The following ACVR2A variants were observed in gnomAD, a reference collection of about 807,000 sequenced individuals.
ACVR2A encodes the protein activin receptor type-2A.
In ACVR2A, 7 loss-of-function variants were observed where a neutral mutation model predicts 61.4. That is an observed-to-expected ratio of 0.11 (90% confidence interval 0.06 to 0.21). ACVR2A has a LOEUF of 0.21. ACVR2A is among the 10% of genes least tolerant of loss of function. The probability of loss-of-function intolerance (pLI) is 1.00; values close to 1 mark genes in which losing one functional copy is unlikely to be tolerated. For missense variants in ACVR2A, 322 were observed against 621.7 expected, an observed-to-expected ratio of 0.52 and a Z score of 5.13; for synonymous variants, 193 against 208.3, an observed-to-expected ratio of 0.93 and a Z score of 0.63.
intron 1 of ACVR2A, among the ~76,000 whole-genome samples, chr2:147,862,905 C>T (rs1011715007): frequency 6.6e-6 from 1 of 152,132 alleles, no homozygotes; most frequent in Admixed American, 6.5e-5. Flanking sequence ...AATAGTATTG[C>T]TAATGATTAC....
At chr2:147,915,922 TC>T (rs35734356) in intron 5 of ACVR2A, among the ~76,000 whole-genome samples, 5 of 151,848 alleles carry the variant, frequency 3.3e-5, no homozygotes, top group African/African-American at 9.7e-5. Flanking sequence ...TTTGTTTTGT[TC>T]CGTTGGTGGT....
chr2:147,900,632 G>A (rs756851971), intron 4 of ACVR2A: 2 of 152,082 alleles, frequency 1.3e-5, no homozygotes, highest in African/African-American at 4.8e-5. Flanking sequence ...TGCAGGTCTG[G>A]TATTTATAAG....
chr2:147,851,047 G>A (rs1172520756), intron 1 of ACVR2A, among the ~76,000 whole-genome samples: 1 of 152,038 alleles, frequency 6.6e-6, no homozygotes, highest in Admixed American at 6.6e-5. Flanking sequence ...GATTATTGTA[G>A]CACTTTTCTA....
chr2:147,896,782 ATTATAAAC>A (rs1180348463), intron 2 of ACVR2A: 1 of 278,464 alleles, frequency 3.6e-6, no homozygotes, highest in African/African-American at 2.2e-5. Context: ...TATTGTTACG[ATTATAAAC>A]TTTTAAAATG....
At chr2:147,877,492 G>A (rs987056200) in intron 1 of ACVR2A, 3 of 152,096 alleles carry the variant, frequency 2.0e-5, no homozygotes, top group African/African-American at 7.2e-5. Flanking sequence ...CCCTGGTCAA[G>A]GATGCCATAC....
chr2:147,849,565 G>A (rs115587449), intron 1 of ACVR2A, among the ~76,000 whole-genome samples: 265 of 152,218 alleles, frequency 1.7e-3, no homozygotes, highest in African/African-American at 5.8e-3. Context: ...ATTGCAGATC[G>A]TTTCCCTTTT....
chr2:147,873,218 T>G (rs946195772), intron 1 of ACVR2A, among the ~76,000 whole-genome samples: 1 of 151,892 alleles, frequency 6.6e-6, no homozygotes, highest in Non-Finnish European at 1.5e-5. Flanking sequence ...TCTAGAGTGG[T>G]GCTACAAAAG....
chr2:147,908,277 A>G (rs1687037122), intron 4 of ACVR2A, among the ~76,000 whole-genome samples: 1 of 152,140 alleles, frequency 6.6e-6, no homozygotes, highest in African/African-American at 2.4e-5. Flanking sequence ...CCAGTCATAA[A>G]ACCTGATTCT....
chr2:147,921,683 A>T (rs1364288439), intron 8 of ACVR2A, among the ~76,000 whole-genome samples: 1 of 152,156 alleles, frequency 6.6e-6, no homozygotes, highest in African/African-American at 2.4e-5. Context: ...AGGAAGCCTG[A>T]GGACAAACTT....
At chr2:147,857,639 C>T (rs1279860282) in intron 1 of ACVR2A, among the ~76,000 whole-genome samples, 3 of 150,960 alleles carry the variant, frequency 2.0e-5, no homozygotes, top group South Asian at 4.2e-4. Flanking sequence ...GTAGAAAGAG[C>T]AAACATTCTG....
chr2:147,906,893 T>C (rs1687000219), intron 4 of ACVR2A, among the ~76,000 whole-genome samples: 1 of 150,882 alleles, frequency 6.6e-6, no homozygotes, highest in Non-Finnish European at 1.5e-5. Flanking sequence ...TACATAGGTA[T>C]ATCTGTGCCA....
intron 1 of ACVR2A, among the ~76,000 whole-genome samples, chr2:147,866,048 C>T (rs1157169443): frequency 6.6e-6 from 1 of 152,128 alleles, no homozygotes; most frequent in Non-Finnish European, 1.5e-5. Flanking sequence ...GACAAGTTTT[C>T]CAAGGCCCGA....
chr2:147,901,733 G>GA (rs2105196576), intron 4 of ACVR2A, among the ~76,000 whole-genome samples: 1 of 152,108 alleles, frequency 6.6e-6, no homozygotes, highest in East Asian at 1.9e-4. Flanking sequence ...GCTTTGGTAT[G>GA]AAAAATACAA....
At chr2:147,913,883 T>C (rs1687185984) in intron 4 of ACVR2A, among the ~76,000 whole-genome samples, 1 of 151,548 alleles carries the variant, frequency 6.6e-6, no homozygotes, top group Non-Finnish European at 1.5e-5. Context: ...CAAGAAGTCT[T>C]TTGTTTTATC....
chr2:147,889,718 G>A (rs1212735694), intron 1 of ACVR2A, among the ~76,000 whole-genome samples: 1 of 152,028 alleles, frequency 6.6e-6, no homozygotes, highest in Admixed American at 6.6e-5. Flanking sequence ...TTGCACTCCA[G>A]CCTGGGCGAC....
At position 147,910,837 on chromosome 2, in the gene ACVR2A, C is replaced by T. The variant is rs1687094906; in HGVS notation, c.529-4354C>T. 2.0e-5 allele frequency among the ~76,000 whole-genome samples: 3 copies of T among 152,096 alleles called. No homozygotes were observed. In the South Asian group the frequency reaches 6.2e-4, roughly 31 times the overall value. On this transcript the variant is annotated intron_variant, in intron 4 of 10. Coordinates refer to ENST00000241416, the MANE Select transcript of ACVR2A (RefSeq NM_001616.5). Reference sequence around the variant, plus strand: ...TGCTTAACTGCTTCACCTTGATGTGCTGGGCAAGTAGGTTTGATAATATTC... The same window carrying T: ...TGCTTAACTGCTTCACCTTGATGTGTTGGGCAAGTAGGTTTGATAATATTC...
At chr2:147,881,006 A>G (rs893279481) in intron 1 of ACVR2A, among the ~76,000 whole-genome samples, 1 of 152,188 alleles carries the variant, frequency 6.6e-6, no homozygotes, top group African/African-American at 2.4e-5. Flanking sequence ...TGTTATGAGA[A>G]GCTTACTTAT....
chr2:147,879,429 A>C (rs1400374073), intron 1 of ACVR2A, among the ~76,000 whole-genome samples: 1 of 152,216 alleles, frequency 6.6e-6, no homozygotes, highest in Non-Finnish European at 1.5e-5. Context: ...ATACACTGGC[A>C]ATTAAATTTC....
intron 4 of ACVR2A, among the ~76,000 whole-genome samples, chr2:147,904,091 C>T (rs1056882872): frequency 1.3e-5 from 2 of 151,930 alleles, no homozygotes; most frequent in Non-Finnish European, 2.9e-5. Flanking sequence ...TGACATTATT[C>T]AGTTCTTTCT....
Sources: gnomAD v4.1 joint callset for allele counts (sites outside exome capture counted in the v4.1 genomes callset) on GRCh38, gnomAD v4.1.1 for gene constraint, MANE v1.5 for transcripts, NCBI Gene and HGNC (gene_info 2026-07-23, HGNC 2026-07-21) for gene names.